CHGB: variants seen among roughly 807,000 people sequenced by gnomAD.
CHGB encodes the protein secretogranin-1.
Under a neutral mutation model 69.9 loss-of-function variants are expected in CHGB, and 46 were observed. That is an observed-to-expected ratio of 0.66 (90% confidence interval 0.52 to 0.84). The LOEUF (loss-of-function observed/expected upper bound fraction) is 0.84. Among genes scored for constraint, CHGB ranks in the 40% least tolerant of loss-of-function variants. The probability of loss-of-function intolerance (pLI) is 0.00; values close to 1 mark genes in which losing one functional copy is unlikely to be tolerated. For missense variants in CHGB, 796 were observed against 822.2 expected, an observed-to-expected ratio of 0.97 and a Z score of 0.39; for synonymous variants, 312 against 298.2, an observed-to-expected ratio of 1.05 and a Z score of -0.48.
At position 5,918,868 on chromosome 20, in the gene CHGB, CTTTGGGGGCTTCAGG is replaced by C. The variant is rs1490156808; in HGVS notation, c.190+1951_190+1965del. The stretch of plus-strand genomic sequence containing the variant: ...AAAGAGCAACCTGAATTAATTCAAT[CTTTGGGGGCTTCAGG>C]TAACAATGGTAGCTGTGGGGGCCTG... On this transcript the variant is annotated intron_variant, in intron 3 of 4. Coordinates refer to ENST00000378961, the MANE Select transcript of CHGB (RefSeq NM_001819.3). Among the ~76,000 whole-genome samples the C allele has an allele frequency of 5.7e-5, 7 of 123,592 alleles. No homozygotes were observed. The East Asian group carries it at 1.9e-3, about 34-fold the overall frequency. 81.1% of individuals were successfully genotyped at this position (123,592 alleles called of 152,430 possible).
chr20:5,923,474 G>A lies in CHGB; in HGVS notation c.1330G>A (p.Gly444Arg). 1 of 1,614,106 alleles carries A rather than the reference G, an allele frequency of 6.2e-7. No individual in the cohort carries two copies. Among genetic ancestry groups the A allele is most frequent in the Non-Finnish European group, 8.5e-7 (1 of 1,180,032 alleles). ...AGAAGAGAAAAGGTTCTTGGGTGAA[G>A]GACACCACCGTGTCCAAGAAAACCA... ...TREEKRFLGE[G>R]HHRVQENQMD... The change falls in exon 4 of 5, where the codon GGA becomes AGA. Residue 444 changes from glycine (G) to arginine (R), a missense_variant. Coordinates refer to ENST00000378961, the MANE Select transcript of CHGB (RefSeq NM_001819.3).
In CHGB at chr20:5,923,430, A is replaced by G; in HGVS notation, c.1286A>G (p.Tyr429Cys). ...GGCAGGGGAGGGGAGCCACGTGCCT[A>G]TTTCATGTCTGACACCAGAGAAGAG... ...HRGRGGEPRA[Y>C]FMSDTREEKR... Residue 429 changes from tyrosine to cysteine, a missense_variant, in exon 4 of 5, where the codon TAT (tyrosine) becomes TGT (cysteine). This residue lies in a region of CHGB where 274 missense variants were observed against 298.9 expected (regional missense o/e 0.92). Transcript: ENST00000378961. 1.9e-6 allele frequency: 3 copies of G among 1,614,114 alleles called. No individual in the cohort carries two copies. The highest frequency in any genetic ancestry group is 4.5e-5 in the East Asian group (2 of 44,878).
At position 5,916,883 on chromosome 20, in the gene CHGB, C is replaced by A; in HGVS notation, c.154C>A (p.Pro52Thr). ...SNALSKSSAP[P>T]ITPECRQVLK... ...TGCCTTGTCGAAGTCCAGCGCTCCACCCATCACCCCTGAGTGCCGCCAAGT... is the reference window on the plus strand; with the variant it reads ...TGCCTTGTCGAAGTCCAGCGCTCCAACCATCACCCCTGAGTGCCGCCAAGT... Residue 52 changes from proline (P) to threonine (T), a missense_variant, in exon 3 of 5, where the codon CCC (proline) becomes ACC (threonine). This residue lies in a region of CHGB where 518 missense variants were observed against 506.3 expected (regional missense o/e 1.02). Transcript: ENST00000378961. The A allele has an allele frequency of 6.2e-7, 1 of 1,614,214 alleles. No individual in the cohort carries two copies. The highest frequency in any genetic ancestry group is 8.5e-7 in the Non-Finnish European group (1 of 1,180,040).
At chr20:5,924,190 T>G in intron 4 of CHGB, 90 bp downstream of exon 4, 1 of 1,445,418 alleles carries the variant, frequency 6.9e-7, no homozygotes, top group Non-Finnish European at 9.1e-7. Flanking sequence ...CGGGGAGAAA[T>G]TGGTGGGAAT....
At chr20:5,916,069 A>T in intron 1 of CHGB, 1 of 485,824 alleles carries the variant, frequency 2.1e-6, no homozygotes, top group Non-Finnish European at 3.7e-6. Context: ...GATCATGAGT[A>T]TACAGCTTAA....
chr20:5,915,356 T>A (rs1052778820), intron 1 of CHGB: 1 of 152,256 alleles, frequency 6.6e-6, no homozygotes, highest in African/African-American at 2.4e-5. Context: ...ATTTTTCTTT[T>A]AAAATATTCT....
intron 1 of CHGB, chr20:5,914,638 T>C (rs2088465513): frequency 6.6e-6 from 1 of 152,232 alleles, no homozygotes; most frequent in South Asian, 2.1e-4. Flanking sequence ...GCAGAAGATA[T>C]TACAGATTTC....
chr20:5,923,442 A>G lies in CHGB; in HGVS notation c.1298A>G (p.Asp433Gly). 6.2e-7 allele frequency: 1 copy of G among 1,614,144 alleles called. No individual in the cohort carries two copies. The change falls in exon 4 of 5, where the codon GAC (aspartate) becomes GGC (glycine). Residue 433 changes from aspartate to glycine, a missense_variant. Physicochemically the swap from Asp to Gly is moderately conservative, Grantham distance 94 (BLOSUM62 -1). Transcript: ENST00000378961. ...GGEPRAYFMS[D>G]TREEKRFLGE... ...GAGCCACGTGCCTATTTCATGTCTG[A>G]CACCAGAGAAGAGAAAAGGTTCTTG...
In CHGB at chr20:5,922,387, T is replaced by G. The variant is rs749349645; in HGVS notation, c.243T>G (p.Phe81Leu). The G allele has an allele frequency of 3.8e-5, 60 of 1,578,066 alleles. No homozygotes were observed. Among genetic ancestry groups the G allele is most frequent in the South Asian group, 1.9e-4 (17 of 88,316 alleles). Reference protein sequence around the residue: ...KETTENENTKFEVRLLRDPAD... With the variant: ...KETTENENTKLEVRLLRDPAD... ...CAACTGAAAATGAAAACACAAAGTTTGAAGTAAGATTGTTAAGAGACCCAG... is the reference window on the plus strand; with the variant it reads ...CAACTGAAAATGAAAACACAAAGTTGGAAGTAAGATTGTTAAGAGACCCAG... The change falls in exon 4 of 5, where the codon TTT becomes TTG. Residue 81 changes from phenylalanine to leucine, a missense_variant. By Grantham distance (22) the Phe-to-Leu change is conservative. Transcript: ENST00000378961.
At chr20:5,922,255 T>G in intron 3 of CHGB, 80 bp from the exon 4 acceptor site, 1 of 1,463,872 alleles carries the variant, frequency 6.8e-7, no homozygotes, top group South Asian at 1.6e-5. Context: ...GTCATCAGGA[T>G]TTGTAGTGAT....
rs1270986998 is a variant in CHGB, at chr20:5,916,761, T to C, written c.97-65T>C. On this transcript the variant is annotated intron_variant, in intron 2 of 4. Transcript: ENST00000378961. ...ATCAAGTCTTCCTTGACAGCAGCTC[T>C]GGGTTGAGTAGTCTGTCATCCAGTG... 3 of 1,447,226 alleles carry C rather than the reference T, an allele frequency of 2.1e-6. No individual in the cohort carries two copies. The African/African-American group carries it at 4.2e-5, about 20-fold the overall frequency. 89.6% of individuals were successfully genotyped at this position (1,447,226 alleles called of 1,614,324 possible).
chr20:5,913,224 A>G (rs1011779766), intron 1 of CHGB, among the ~76,000 whole-genome samples: 1 of 152,234 alleles, frequency 6.6e-6, no homozygotes, highest in Non-Finnish European at 1.5e-5. Flanking sequence ...TGTATATCAT[A>G]TAATCCACGC....
At chr20:5,924,169 T>G in intron 4 of CHGB, 69 bp downstream of exon 4, 3 of 1,459,134 alleles carry the variant, frequency 2.1e-6, no homozygotes, top group Non-Finnish European at 2.7e-6. Flanking sequence ...TTCAAGACTA[T>G]CCGATATTCA....
intron 3 of CHGB, among the ~76,000 whole-genome samples, 181 bp from the exon 4 acceptor site, chr20:5,922,154 C>T (rs986587393): frequency 1.3e-5 from 2 of 152,140 alleles, no homozygotes; most frequent in Admixed American, 6.6e-5. Context: ...CAGATTTAAA[C>T]ACAGTCAAGG....
At chr20:5,919,087 A>AT (rs1358856548) in intron 3 of CHGB, among the ~76,000 whole-genome samples, 4 of 152,142 alleles carry the variant, frequency 2.6e-5, no homozygotes, top group African/African-American at 9.7e-5. Context: ...CCATCTTGGT[A>AT]TCTCCCTTTC....
intron 4 of CHGB, 27 bp from the exon 5 acceptor site, chr20:5,924,945 A>T (rs367899822): frequency 2.0e-6 from 3 of 1,497,996 alleles, no homozygotes; most frequent in African/African-American, 1.4e-5. Context: ...TCGGGACCTC[A>T]TGCCTCCACT....
At chr20:5,916,683 C>T in intron 2 of CHGB, 143 bp from the exon 3 acceptor site, 3 of 754,318 alleles carry the variant, frequency 4.0e-6, no homozygotes, top group Non-Finnish European at 7.0e-6. Context: ...TCATTCTGTT[C>T]CTGTAAATCT....
intron 4 of CHGB, 64 bp from the exon 5 acceptor site, chr20:5,924,908 C>A: frequency 1.0e-6 from 1 of 968,526 alleles, no homozygotes; most frequent in Non-Finnish European, 1.7e-6. Flanking sequence ...ACTCATGCTC[C>A]ATCAAACTAC....
Position 5,923,304 on chromosome 20 carries a change from G to T in CHGB, c.1160G>T (p.Arg387Ile). ...GAGAGTTGGGATGAGGAGGACAAGA[G>T]AAACTACCCCAGCTTAGAGCTTGAT... The part of the protein sequence containing the change: ...SEESWDEEDK[R>I]NYPSLELDKM... Residue 387 changes from arginine to isoleucine, a missense_variant, in exon 4 of 5, where the codon AGA becomes ATA. This residue lies in a region of CHGB where 518 missense variants were observed against 506.3 expected (regional missense o/e 1.02). Coordinates refer to ENST00000378961, the MANE Select transcript of CHGB (RefSeq NM_001819.3). 6.2e-7 allele frequency: 1 copy of T among 1,613,594 alleles called. No individual in the cohort carries two copies. Among genetic ancestry groups the T allele is most frequent in the South Asian group, 1.1e-5 (1 of 91,076 alleles).
Sources: gnomAD v4.1 joint callset for allele counts (sites outside exome capture counted in the v4.1 genomes callset) on GRCh38, gnomAD v4.1.1 for gene constraint, gnomAD v4.1.1 regional missense constraint, MANE v1.5 for transcripts, NCBI Gene and HGNC (gene_info 2026-07-23, HGNC 2026-07-21) for gene names.